LRMDA: variants seen among roughly 807,000 people sequenced by gnomAD.
LRMDA encodes the protein leucine-rich melanocyte differentiation-associated protein.
Under a neutral mutation model 29.8 loss-of-function variants are expected in LRMDA, and 18 were observed. The ratio of observed to expected loss-of-function variants is 0.60; its 90% CI spans 0.42 to 0.90. The LOEUF (loss-of-function observed/expected upper bound fraction) is 0.90. Ranked by LOEUF, LRMDA falls within the 40% of genes least tolerant of loss-of-function variation. The pLI is 0.00. For synonymous variants in LRMDA, 125 were observed against 109.4 expected, an observed-to-expected ratio of 1.14 and a Z score of -0.89; for missense variants, 273 against 273.9, an observed-to-expected ratio of 1.00 and a Z score of 0.02.
intron 2 of LRMDA, among the ~76,000 whole-genome samples, chr10:75,672,583 T>TCCCTACCCTA (rs1554819497): frequency 4.8e-5 from 2 of 41,976 alleles, no homozygotes; most frequent in African/African-American, 3.9e-4. Context: ...TCCCTTCCCT[T>TCCCTACCCTA]CCCTGCTTTT....
intron 2 of LRMDA, among the ~76,000 whole-genome samples, chr10:75,755,874 C>T (rs983181548): frequency 4.6e-5 from 7 of 152,202 alleles, no homozygotes; most frequent in Admixed American, 4.6e-4. Context: ...ATCCATATTC[C>T]TCCACTTGCT....
chr10:76,536,489 A>T (rs1564569790), intron 6 of LRMDA, among the ~76,000 whole-genome samples: 1 of 152,174 alleles, frequency 6.6e-6, no homozygotes, highest in African/African-American at 2.4e-5. Flanking sequence ...GGTGATTCTG[A>T]TGAAACTGAA....
chr10:76,383,242 G>C (rs1841614336), intron 6 of LRMDA, among the ~76,000 whole-genome samples: 1 of 152,026 alleles, frequency 6.6e-6, no homozygotes, highest in Admixed American at 6.5e-5. Flanking sequence ...TTCAGTAACA[G>C]GCACCTGCCA....
At chr10:75,431,874 C>A in intron 1 of LRMDA, 120 bp downstream of exon 1, 1 of 1,035,854 alleles carries the variant, frequency 9.7e-7, no homozygotes, top group Non-Finnish European at 1.2e-6. Flanking sequence ...GCTGCGTCTG[C>A]AGGGGGTGAG....
intron 2 of LRMDA, among the ~76,000 whole-genome samples, chr10:75,593,755 T>C (rs1275560163): frequency 1.3e-5 from 2 of 152,142 alleles, no homozygotes; most frequent in Admixed American, 6.5e-5. Context: ...TCAGGGGCTA[T>C]GTGGATCCTG....
At chr10:75,843,713 C>T (rs1366569968) in intron 2 of LRMDA, among the ~76,000 whole-genome samples, 1 of 152,200 alleles carries the variant, frequency 6.6e-6, no homozygotes, top group African/African-American at 2.4e-5. Flanking sequence ...ATGTGCTTGG[C>T]ACAGTGGGAA....
chr10:76,234,679 T>A (rs1852118954), intron 5 of LRMDA, among the ~76,000 whole-genome samples: 1 of 152,252 alleles, frequency 6.6e-6, no homozygotes, highest in Non-Finnish European at 1.5e-5. Context: ...CACTTGTTGC[T>A]TCACCTTGCC....
chr10:76,552,629 T>C (rs1404501083), intron 6 of LRMDA, among the ~76,000 whole-genome samples: 1 of 152,242 alleles, frequency 6.6e-6, no homozygotes, highest in Admixed American at 6.5e-5. Flanking sequence ...CCCCTTGCCC[T>C]TGTTTTACAA....
intron 2 of LRMDA, among the ~76,000 whole-genome samples, chr10:75,889,253 A>G (rs1163506588): frequency 6.6e-6 from 1 of 152,224 alleles, no homozygotes; most frequent in Non-Finnish European, 1.5e-5. Context: ...TGTGCGAAGG[A>G]TAAATACAGT....
chr10:76,472,999 G>A (rs1296481712), intron 6 of LRMDA, among the ~76,000 whole-genome samples: 1 of 151,508 alleles, frequency 6.6e-6, no homozygotes, highest in Non-Finnish European at 1.5e-5. Flanking sequence ...AAATAGAGAA[G>A]GGAATACTTC....
At chr10:76,413,107 T>A (rs1433752932) in intron 6 of LRMDA, among the ~76,000 whole-genome samples, 1 of 152,134 alleles carries the variant, frequency 6.6e-6, no homozygotes, top group African/African-American at 2.4e-5. Flanking sequence ...CTCTATCTGC[T>A]CCCTTTCTCT....
chr10:76,414,504 A>T (rs1005606429), intron 6 of LRMDA, among the ~76,000 whole-genome samples: 4 of 152,196 alleles, frequency 2.6e-5, no homozygotes, highest in Non-Finnish European at 4.4e-5. Flanking sequence ...AAAAATAATT[A>T]GTTGAGATTA....
At chr10:76,151,127 C>T (rs926614874) in intron 5 of LRMDA, among the ~76,000 whole-genome samples, 1 of 152,150 alleles carries the variant, frequency 6.6e-6, no homozygotes, top group Non-Finnish European at 1.5e-5. Flanking sequence ...GGGGGCTCCT[C>T]CAACCTATAT....
chr10:76,466,943 A>G (rs1842570569), intron 6 of LRMDA, among the ~76,000 whole-genome samples: 2 of 152,218 alleles, frequency 1.3e-5, no homozygotes, highest in African/African-American at 2.4e-5. Flanking sequence ...CATGAATTCT[A>G]ATGGCTGCAG....
At chr10:75,623,207 T>C (rs1841209654) in intron 2 of LRMDA, among the ~76,000 whole-genome samples, 1 of 152,212 alleles carries the variant, frequency 6.6e-6, no homozygotes, top group Admixed American at 6.5e-5. Flanking sequence ...TATAATGCAT[T>C]ATTATTTTCA....
At chr10:75,596,172 A>T (rs1337070768) in intron 2 of LRMDA, among the ~76,000 whole-genome samples, 1 of 152,224 alleles carries the variant, frequency 6.6e-6, no homozygotes, top group African/African-American at 2.4e-5. Flanking sequence ...GGTAGATATG[A>T]TTATGATCCC....
At chr10:76,224,667 CTTTTTTTTTTTTT>C in intron 5 of LRMDA, among the ~76,000 whole-genome samples, 1 of 105,354 alleles carries the variant, frequency 9.5e-6, no homozygotes, top group South Asian at 3.4e-4. Flanking sequence ...GTCTAGGACT[CTTTTTTTTTTTTT>C]TTTTTTTTTT....
chr10:75,520,889 TG>T (rs1280441278), intron 2 of LRMDA, among the ~76,000 whole-genome samples: 1 of 152,202 alleles, frequency 6.6e-6, no homozygotes, highest in African/African-American at 2.4e-5. Flanking sequence ...TTTTTGTTGA[TG>T]TTGATGCTAT....
intron 5 of LRMDA, among the ~76,000 whole-genome samples, chr10:76,260,470 C>T (rs1839921644): frequency 2.6e-5 from 4 of 152,094 alleles, no homozygotes; most frequent in African/African-American, 9.7e-5. Flanking sequence ...ATATTCTTGG[C>T]TGACATTTTT....
Sources: allele counts gnomAD v4.1 joint callset (sites outside exome capture counted in the v4.1 genomes callset), GRCh38; gene constraint gnomAD v4.1.1; transcripts MANE v1.5; gene names NCBI Gene and HGNC (gene_info 2026-07-23, HGNC 2026-07-21).